The following LOC122513141 variants were observed in gnomAD, a reference collection of about 807,000 sequenced individuals.
the LOC122513141 span, chr9:137,218,588 C>T: frequency 3.5e-5 from 14 of 398,832 alleles, no homozygotes; most frequent in Admixed American, 1.8e-4. Context: ...GCTCCTGGAC[C>T]GCTCTGGCCG....
At chr9:137,218,724 C>T in the LOC122513141 span, 2 of 397,440 alleles carry the variant, frequency 5.0e-6, no homozygotes, top group Admixed American at 8.8e-5. Context: ...GGGTCCAGGG[C>T]AGTGGCCTTC....
the LOC122513141 span, chr9:137,218,651 G>A: frequency 5.0e-6 from 2 of 398,414 alleles, no homozygotes; most frequent in Admixed American, 4.4e-5. Flanking sequence ...GGCCCAGACT[G>A]GCCCACGTCC....
chr9:137,218,575 C>G, the LOC122513141 span: 1 of 399,610 alleles, frequency 2.5e-6, no homozygotes, highest in Admixed American at 4.4e-5. Context: ...GACTGCTCTT[C>G]GTGCTCCTGG....
the LOC122513141 span, chr9:137,217,949 C>G: frequency 2.5e-6 from 1 of 398,684 alleles, no homozygotes; most frequent in South Asian, 1.3e-4. Flanking sequence ...TGGGCACCCC[C>G]AAGGTGCTGA....
chr9:137,218,832 ACCCAAGGACACCAGCG>A, the LOC122513141 span: 5 of 391,576 alleles, frequency 1.3e-5, no homozygotes, highest in African/African-American at 2.1e-5. Context: ...CACTAGCTGA[ACCCAAGGACACCAGCG>A]CCCAAGGACA....
chr9:137,219,192 C>T, the LOC122513141 span: 3 of 152,398 alleles, frequency 2.0e-5, no homozygotes, highest in Non-Finnish European at 4.4e-5. Flanking sequence ...GGGGTTGGCG[C>T]TGGCCTGTGT....
At chr9:137,218,112 G>A in the LOC122513141 span, 31 of 398,652 alleles carry the variant, frequency 7.8e-5, 1 homozygote, top group Middle Eastern at 1.2e-3. Context: ...CCCAGAGAGC[G>A]CCGCCTGGCC....
At chr9:137,218,133 G>A in the LOC122513141 span, 3 of 397,854 alleles carry the variant, frequency 7.5e-6, no homozygotes, top group Non-Finnish European at 1.3e-5. Flanking sequence ...CTGCTGAACT[G>A]TAGCCACGGC....
chr9:137,217,783 C>A, the LOC122513141 span: 4 of 395,318 alleles, frequency 1.0e-5, no homozygotes, highest in Non-Finnish European at 1.8e-5. Context: ...ATCCTGACTC[C>A]TGCCCCAGGG....
At chr9:137,219,028 T>G in the LOC122513141 span, 1 of 166,310 alleles carries the variant, frequency 6.0e-6, no homozygotes, top group Non-Finnish European at 1.3e-5. Context: ...AGTGAGTCAG[T>G]TCCTTGGAGA....
At chr9:137,217,628 C>T in the LOC122513141 span, 3 of 207,242 alleles carry the variant, frequency 1.4e-5, no homozygotes, top group Middle Eastern at 1.5e-3. Context: ...CCACCCAGAG[C>T]AGGCAGGCCT....
chr9:137,219,350 A>G, the LOC122513141 span: 1 of 150,114 alleles, frequency 6.7e-6, no homozygotes, highest in Admixed American at 6.6e-5. Context: ...TCAATAAACC[A>G]GCTCCTGGGG....
the LOC122513141 span, chr9:137,218,924 C>T: frequency 1.6e-5 from 5 of 308,186 alleles, no homozygotes; most frequent in African/African-American, 6.4e-5. Context: ...CTGCGGCAGA[C>T]GGGCACCGTA....
At chr9:137,218,576 G>A in the LOC122513141 span, 23 of 399,458 alleles carry the variant, frequency 5.8e-5, no homozygotes, top group African/African-American at 2.7e-4. Context: ...ACTGCTCTTC[G>A]TGCTCCTGGA....
At chr9:137,218,867 A>G in the LOC122513141 span, 2 of 379,770 alleles carry the variant, frequency 5.3e-6, no homozygotes, top group African/African-American at 4.1e-5. Context: ...CAGCTCCTGG[A>G]GGAGGCCAGC....
the LOC122513141 span, chr9:137,218,575 C>T: frequency 1.5e-4 from 58 of 399,610 alleles, no homozygotes; most frequent in South Asian, 3.8e-4. Context: ...GACTGCTCTT[C>T]GTGCTCCTGG....
chr9:137,218,805 C>T, the LOC122513141 span: 1 of 396,180 alleles, frequency 2.5e-6, no homozygotes. Flanking sequence ...GAGTCCATGG[C>T]TGCACTGCTG....
the LOC122513141 span, chr9:137,218,008 C>T: frequency 5.0e-6 from 2 of 399,128 alleles, no homozygotes; most frequent in East Asian, 7.1e-5. Flanking sequence ...TGGAGGGTGC[C>T]TGGGCCCTTC....
At chr9:137,218,287 C>T in the LOC122513141 span, 8 of 398,180 alleles carry the variant, frequency 2.0e-5, no homozygotes, top group Admixed American at 1.3e-4. Context: ...TACAGGCCGA[C>T]GGGCCCTCAC....
Sources: allele counts gnomAD v4.1 joint callset, GRCh38; gene constraint gnomAD v4.1.1; transcripts MANE v1.5.